The following ADRA1B variants were observed in gnomAD, a reference collection of about 807,000 sequenced individuals.
The protein encoded by ADRA1B is adrenoceptor alpha 1B, also known as alpha-1B adrenergic receptor.
ADRA1B carries 17 observed loss-of-function variants against 17.9 expected under a neutral mutation model. That is an observed-to-expected ratio of 0.95 (90% CI 0.65 to 1.42). The LOEUF (loss-of-function observed/expected upper bound fraction) is 1.42. ADRA1B is among the 40% of genes most tolerant of loss of function. The probability of loss-of-function intolerance (pLI) is 0.00; values close to 1 mark genes in which losing one functional copy is unlikely to be tolerated. For synonymous variants in ADRA1B, 366 were observed against 327.6 expected, an observed-to-expected ratio of 1.12 and a Z score of -1.27; for missense variants, 681 against 722.1, an observed-to-expected ratio of 0.94 and a Z score of 0.65.
chr5:159,958,907 G>C (rs1287900942), intron 1 of ADRA1B, among the ~76,000 whole-genome samples: 1 of 152,208 alleles, frequency 6.6e-6, no homozygotes, highest in Non-Finnish European at 1.5e-5. Context: ...AATTCAGTCT[G>C]GCATCAAAGA....
the ADRA1B span, among the ~76,000 whole-genome samples, chr5:159,979,426 C>G: frequency 6.6e-6 from 1 of 152,140 alleles, no homozygotes; most frequent in South Asian, 2.1e-4. Flanking sequence ...TAGTACAGTA[C>G]CTGGCACATG....
At chr5:159,964,203 G>T (rs1466849548) in intron 1 of ADRA1B, among the ~76,000 whole-genome samples, 1 of 152,128 alleles carries the variant, frequency 6.6e-6, no homozygotes, top group Non-Finnish European at 1.5e-5. Flanking sequence ...CAGGGCCTGG[G>T]CTCTCCAGAG....
intron 1 of ADRA1B, among the ~76,000 whole-genome samples, chr5:159,901,308 C>T (rs1188598612): frequency 6.6e-6 from 1 of 150,760 alleles, no homozygotes; most frequent in East Asian, 2.0e-4. Flanking sequence ...GTGCACCCTT[C>T]ACCCTTTGCT....
chr5:159,922,471 GGAAACCCA>G (rs1291227639), intron 1 of ADRA1B, among the ~76,000 whole-genome samples: 1 of 152,158 alleles, frequency 6.6e-6, no homozygotes, highest in East Asian at 1.9e-4. Flanking sequence ...ATGTACTCCA[GGAAACCCA>G]GAACCACCCT....
intron 1 of ADRA1B, among the ~76,000 whole-genome samples, chr5:159,959,733 A>G (rs1755629403): frequency 6.6e-6 from 1 of 152,168 alleles, no homozygotes; most frequent in Non-Finnish European, 1.5e-5. Context: ...AATATATGTG[A>G]AGATATCATT....
chr5:159,968,221 A>G (rs1325983831), intron 1 of ADRA1B, among the ~76,000 whole-genome samples: 1 of 152,190 alleles, frequency 6.6e-6, no homozygotes, highest in Non-Finnish European at 1.5e-5. Flanking sequence ...GGGACCAACA[A>G]TAGTACCTTC....
intron 1 of ADRA1B, among the ~76,000 whole-genome samples, chr5:159,890,744 G>A (rs952171191): frequency 6.6e-6 from 1 of 152,216 alleles, no homozygotes; most frequent in African/African-American, 2.4e-5. Context: ...AATCCACGTG[G>A]CATCACTTCT....
intron 1 of ADRA1B, among the ~76,000 whole-genome samples, chr5:159,945,892 C>T (rs570493466): frequency 1.3e-4 from 20 of 152,048 alleles, no homozygotes; most frequent in Non-Finnish European, 2.6e-4. Flanking sequence ...GGACTACAGG[C>T]GCCCGCCACC....
intron 1 of ADRA1B, among the ~76,000 whole-genome samples, chr5:159,936,245 C>T (rs536373512): frequency 6.6e-6 from 1 of 152,256 alleles, no homozygotes; most frequent in African/African-American, 2.4e-5. Flanking sequence ...AAAGAATTAC[C>T]CAACCCAACA....
At chr5:159,938,868 C>G (rs1755027453) in intron 1 of ADRA1B, among the ~76,000 whole-genome samples, 1 of 152,208 alleles carries the variant, frequency 6.6e-6, no homozygotes, top group Admixed American at 6.5e-5. Flanking sequence ...CAGTCTCTGG[C>G]CTTATGCAGG....
upstream of ADRA1B, among the ~76,000 whole-genome samples, chr5:159,913,411 G>A (rs1353959706): frequency 2.0e-5 from 3 of 152,222 alleles, no homozygotes; most frequent in South Asian, 2.1e-4. Context: ...TGCTGTGTGG[G>A]GTCCTGCTAC....
chr5:159,974,870 G>A (rs551357806), downstream of ADRA1B, among the ~76,000 whole-genome samples: 77 of 152,242 alleles, frequency 5.1e-4, no homozygotes, highest in African/African-American at 1.8e-3. Flanking sequence ...CACATGGGGA[G>A]ACTGAGGTAA....
intron 1 of ADRA1B, among the ~76,000 whole-genome samples, chr5:159,885,455 A>C (rs755673510): frequency 7.9e-5 from 12 of 152,180 alleles, no homozygotes; most frequent in Non-Finnish European, 1.6e-4. Context: ...ATAAGCACAT[A>C]TTTGCTAATG....
chr5:159,967,538 C>T (rs906033270), intron 1 of ADRA1B, among the ~76,000 whole-genome samples: 8 of 152,146 alleles, frequency 5.3e-5, no homozygotes, highest in African/African-American at 1.9e-4. Context: ...AACTCTATGA[C>T]ATAGATATTG....
At chr5:159,980,527 G>A in the ADRA1B span, among the ~76,000 whole-genome samples, 1 of 152,144 alleles carries the variant, frequency 6.6e-6, no homozygotes, top group Non-Finnish European at 1.5e-5. Flanking sequence ...TTAGGACTTG[G>A]GCTTGAGGTC....
the ADRA1B span, among the ~76,000 whole-genome samples, chr5:159,982,188 C>T: frequency 5.5e-3 from 837 of 152,288 alleles, 14 homozygotes; most frequent in African/African-American, 0.02. Context: ...CTAGCTGAGC[C>T]CAGCCAATCC....
chr5:159,962,824 A>G (rs946928601), intron 1 of ADRA1B, among the ~76,000 whole-genome samples: 1 of 120,620 alleles, frequency 8.3e-6, no homozygotes, highest in Non-Finnish European at 1.6e-5. Flanking sequence ...TGTGGGGGCC[A>G]CCACACCTGG....
upstream of ADRA1B, chr5:159,916,003 G>A (rs1754290862): frequency 6.6e-6 from 1 of 152,294 alleles, no homozygotes; most frequent in Non-Finnish European, 1.5e-5. Flanking sequence ...GATTTTACTG[G>A]GGCCAAAGAG....
the ADRA1B span, among the ~76,000 whole-genome samples, chr5:159,986,877 T>C: frequency 6.6e-6 from 1 of 152,184 alleles, no homozygotes; most frequent in Non-Finnish European, 1.5e-5. Flanking sequence ...CAACGGCGCC[T>C]ACTGTCTTAA....
Sources: allele counts gnomAD v4.1 joint callset (sites outside exome capture counted in the v4.1 genomes callset), GRCh38; gene constraint gnomAD v4.1.1; transcripts MANE v1.5; gene names NCBI Gene and HGNC (gene_info 2026-07-23, HGNC 2026-07-21).